GAA: variants seen among roughly 807,000 people sequenced by gnomAD.
The protein encoded by GAA is alpha glucosidase.
GAA carries 88 observed loss-of-function variants against 103.9 expected under a neutral mutation model. That is an observed-to-expected ratio of 0.85 (90% confidence interval 0.71 to 1.01). The LOEUF (loss-of-function observed/expected upper bound fraction) is 1.01, where lower values mean the gene tolerates loss of function less well. Ranked by LOEUF, GAA falls within the 50% of genes least tolerant of loss-of-function variation. The probability of loss-of-function intolerance (pLI) is 0.00; values close to 1 mark genes in which losing one functional copy is unlikely to be tolerated. For synonymous variants in GAA, 572 were observed against 563.1 expected (o/e 1.02, Z -0.22); for missense variants, 1,350 against 1,305.3 (o/e 1.03, Z -0.53).
chr17:80,105,132 G>C lies in GAA; in HGVS notation c.546G>C (p.Thr182=), dbSNP rs143523371. 6.2e-6 allele frequency: 10 copies of C among 1,604,030 alleles called. No individual in the cohort carries two copies. Among genetic ancestry groups the C allele is most frequent in the Non-Finnish European group, 8.5e-6 (10 of 1,177,056 alleles). ...MMETENRLHF[T]IKDPANRRYE... ...AGACTGAGAACCGCCTCCACTTCAC[G>C]GTGGGCAGGGCAGGGGCGGGGGCGG... The change falls in exon 2 of 20, where the codon ACG becomes ACC. Residue 182 remains threonine, a splice_region_variant and synonymous_variant. Transcript: ENST00000302262.
intron 5 of GAA, 66 bp from the exon 6 acceptor site, chr17:80,108,224 C>G (rs2039140193): frequency 1.2e-6 from 2 of 1,612,242 alleles, no homozygotes; most frequent in Non-Finnish European, 1.7e-6. Context: ...ATTGGCCCAT[C>G]TGTGGGGTGC....
At chr17:80,110,494 C>T (rs941109773) in intron 9 of GAA, among the ~76,000 whole-genome samples, 1 of 152,174 alleles carries the variant, frequency 6.6e-6, no homozygotes, top group African/African-American at 2.4e-5. Context: ...CCTGGGTGGA[C>T]GTGTTGGGGG....
At chr17:80,110,623 A>G (rs553650607) in intron 9 of GAA, 104 bp from the exon 10 acceptor site, 12 of 953,470 alleles carry the variant, frequency 1.3e-5, no homozygotes, top group African/African-American at 8.1e-5. Context: ...GTGGGCGTCC[A>G]CTAAGAGTGA....
chr17:80,107,909 C>T lies in GAA; in HGVS notation c.955+13C>T. Reference sequence around the variant, plus strand: ...AGCAATGCCATGGGTAAGCTGCCCGCCGCCCAGCGCCCGGGCCGGGGTCTC... The same window carrying T: ...AGCAATGCCATGGGTAAGCTGCCCGTCGCCCAGCGCCCGGGCCGGGGTCTC... On this transcript the variant is annotated intron_variant, in intron 5 of 19. Transcript: ENST00000302262. 1 of 1,586,712 alleles carries T rather than the reference C, an allele frequency of 6.3e-7. No homozygotes were observed. Among genetic ancestry groups the T allele is most frequent in the Non-Finnish European group, 8.6e-7 (1 of 1,168,520 alleles).
chr17:80,113,229 G>A lies in GAA; in HGVS notation c.2052G>A (p.Pro684=), dbSNP rs546463058. Reference sequence around the variant, plus strand: ...CGCCTGCCCTGCAGCCCCAGGAGCCGTACAGCTTCAGCGAGCCGGCCCAGC... The same window carrying A: ...CGCCTGCCCTGCAGCCCCAGGAGCCATACAGCTTCAGCGAGCCGGCCCAGC... ...HNSLLSLPQE[P]YSFSEPAQQA... The change falls in exon 15 of 20, where the codon CCG becomes CCA. Residue 684 remains proline, a synonymous_variant. Coordinates refer to ENST00000302262, the MANE Select transcript of GAA (RefSeq NM_000152.5). 5.8e-5 allele frequency: 93 copies of A among 1,600,714 alleles called. No homozygotes were observed. Among genetic ancestry groups the A allele is most frequent in the Admixed American group, 3.1e-4 (18 of 58,490 alleles).
intron 11 of GAA, 116 bp downstream of exon 11, chr17:80,111,141 G>T (rs1434994543): frequency 1.1e-6 from 1 of 914,382 alleles, no homozygotes; most frequent in Admixed American, 2.0e-5. Flanking sequence ...GGGGAAAGGG[G>T]CGGGGGGGGG....
rs368933241 is a variant in GAA, at chr17:80,104,538, G to C, written c.-32-17G>C. On this transcript the variant is annotated splice_polypyrimidine_tract_variant and intron_variant, in intron 1 of 19. Transcript: ENST00000302262. The surrounding 1 kb of genome is among the most constrained non-coding windows in gnomAD (Gnocchi z 4.0). ...CCCCTCCCGCCTCCCTGCTGAGCCC[G>C]CTTTCTTCTCCCGCAGGCCTGTAGG... The C allele has an allele frequency of 1.9e-6, 3 of 1,558,530 alleles. No individual in the cohort carries two copies. In the African/African-American group the frequency reaches 4.1e-5, roughly 21 times the overall value.
intron 3 of GAA, among the ~76,000 whole-genome samples, chr17:80,107,122 G>A (rs1057206844): frequency 2.6e-5 from 4 of 152,148 alleles, no homozygotes; most frequent in African/African-American, 9.7e-5. Flanking sequence ...TTGACCCCCA[G>A]CAAACCTCAG....
At chr17:80,113,747 G>A (rs2039301560) in intron 15 of GAA, among the ~76,000 whole-genome samples, 1 of 152,126 alleles carries the variant, frequency 6.6e-6, no homozygotes, top group African/African-American at 2.4e-5. Flanking sequence ...GGCCAGGCAC[G>A]GTGGCTAACG....
chr17:80,114,420 C>CTT (rs11358043), intron 15 of GAA, among the ~76,000 whole-genome samples: 12 of 137,100 alleles, frequency 8.8e-5, no homozygotes, highest in African/African-American at 7.9e-5. Context: ...TGTCACTACA[C>CTT]TTTTTTTTTT....
At chr17:80,111,915 G>A in intron 11 of GAA, 68 bp from the exon 12 acceptor site, 4 of 1,339,374 alleles carry the variant, frequency 3.0e-6, no homozygotes, top group Non-Finnish European at 4.2e-6. Flanking sequence ...GGGAGGTGGG[G>A]GGCAGGGAGG....
chr17:80,110,647 C>A, intron 9 of GAA, 80 bp from the exon 10 acceptor site: 1 of 1,264,948 alleles, frequency 7.9e-7, no homozygotes, highest in Non-Finnish European at 1.1e-6. Flanking sequence ...TGCCCCTCTG[C>A]TCAGGCTGAG....
At position 80,108,703 on chromosome 17, in the gene GAA, C is replaced by T; in HGVS notation, c.1201C>T (p.Gln401Ter). The T allele has an allele frequency of 6.2e-7, 1 of 1,612,798 alleles. No individual in the cohort carries two copies. Among genetic ancestry groups the T allele is most frequent in the Non-Finnish European group, 8.5e-7 (1 of 1,179,988 alleles). ...TCCCGTGTTGTGGCTGCAGGACGTC[C>T]AGTGGAACGACCTGGACTACATGGA... ...MTRAHFPLDVQWNDLDYMDSR... is the reference protein window; with the variant it reads ...MTRAHFPLDV Residue 401 changes from glutamine (Q) to a stop codon, truncating the protein, a stop_gained, in exon 8 of 20, where the codon CAG becomes TAG. Coordinates refer to ENST00000302262, the MANE Select transcript of GAA (RefSeq NM_000152.5). LOFTEE classifies it high-confidence loss of function.
At chr17:80,116,715 A>G in intron 15 of GAA, 1 of 551,634 alleles carries the variant, frequency 1.8e-6, no homozygotes. Flanking sequence ...CTGGTGCCTC[A>G]AGCACAAGCC....
Position 80,108,246 on chromosome 17 carries a change from A to G in GAA, c.956-44A>G, listed in dbSNP as rs1348853410. The G allele has an allele frequency of 5.0e-6, 8 of 1,613,014 alleles. No individual in the cohort carries two copies. The Admixed American group carries it at 1.3e-4, about 27-fold the overall frequency. On this transcript the variant is annotated intron_variant, in intron 5 of 19. Coordinates refer to ENST00000302262, the MANE Select transcript of GAA (RefSeq NM_000152.5). The stretch of plus-strand genomic sequence containing the variant: ...CATCTGTGGGGTGCAGAGCCCTCCA[A>G]GTGAAGAATCTGTCCCCCAACCCCA...
Position 80,118,287 on chromosome 17 carries a change from G to A in GAA, c.2576G>A (p.Trp859Ter). Residue 859 changes from tryptophan (W) to a stop codon, truncating the protein, a stop_gained, in exon 18 of 20, where the codon TGG (tryptophan) becomes TAG (stop). Coordinates refer to ENST00000302262, the MANE Select transcript of GAA (RefSeq NM_000152.5). LOFTEE classifies it high-confidence loss of function. ...GGGGAGGCCCGAGGGGAGCTGTTCT[G>A]GGACGATGGAGAGAGCCTGGAAGTG... The part of the protein sequence containing the change: ...KGGEARGELF[W>*]DDGESLEVLE... 1 of 1,601,374 alleles carries A rather than the reference G, an allele frequency of 6.2e-7. No individual in the cohort carries two copies. The highest frequency in any genetic ancestry group is 8.5e-7 in the Non-Finnish European group (1 of 1,172,778).
chr17:80,108,351 C>T lies in GAA; in HGVS notation c.1017C>T (p.Val339=), dbSNP rs1242745765. 1.2e-6 allele frequency: 2 copies of T among 1,613,676 alleles called. No individual in the cohort carries two copies. Among genetic ancestry groups the T allele is most frequent in the East Asian group, 2.2e-5 (1 of 44,880 alleles). The change falls in exon 6 of 20, where the codon GTC becomes GTT. Residue 339 remains valine, a synonymous_variant. Coordinates refer to ENST00000302262, the MANE Select transcript of GAA (RefSeq NM_000152.5). The part of the protein sequence containing the change: ...SWRSTGGILD[V]YIFLGPEPKS... ...GGTCGACAGGTGGGATCCTGGATGT[C>T]TACATCTTCCTGGGCCCAGAGCCCA...
chr17:80,107,075 C>CG lies in GAA; in HGVS notation c.693-480dup, dbSNP rs1384661406. Among the ~76,000 whole-genome samples, 11 of 152,156 alleles carry CG rather than the reference C, an allele frequency of 7.2e-5. No homozygotes were observed. In the East Asian group the frequency reaches 1.2e-3, roughly 16 times the overall value. On this transcript the variant is annotated intron_variant, in intron 3 of 19. Coordinates refer to ENST00000302262, the MANE Select transcript of GAA (RefSeq NM_000152.5). The stretch of plus-strand genomic sequence containing the variant: ...TCTTCCTGTGGACCGGGTTTATCTG[C>CG]GGCTTTCATTTCTCGGAGGTGCTGT...
Position 80,118,720 on chromosome 17 carries a change from C to T in GAA, c.2714C>T (p.Thr905Ile). Residue 905 changes from threonine to isoleucine, a missense_variant, in exon 19 of 20, where the codon ACT (threonine) becomes ATT (isoleucine). Transcript: ENST00000302262. Reference sequence around the variant, plus strand: ...GCTGGCCTGCAGCTGCAGAAGGTGACTGTCCTGGGCGTGGCCACGGCGCCC... The same window carrying T: ...GCTGGCCTGCAGCTGCAGAAGGTGATTGTCCTGGGCGTGGCCACGGCGCCC... ...EGAGLQLQKV[T>I]VLGVATAPQQ... is the part of the protein sequence containing the mutation. 1 of 1,613,402 alleles carries T rather than the reference C, an allele frequency of 6.2e-7. No homozygotes were observed. Among genetic ancestry groups the T allele is most frequent in the Non-Finnish European group, 8.5e-7 (1 of 1,180,012 alleles).
Sources: gnomAD v4.1 joint callset for allele counts (sites outside exome capture counted in the v4.1 genomes callset) on GRCh38, gnomAD v4.1.1 for gene constraint, Gnocchi (gnomAD v3.1) non-coding constraint, MANE v1.5 for transcripts, NCBI Gene and HGNC (gene_info 2026-07-23, HGNC 2026-07-21) for gene names.